Variants in HELZ observed in about 807,000 individuals in gnomAD.
The protein encoded by HELZ is ATP-dependent RNA helicase with zinc finger domain.
A neutral mutation model predicts 218.2 loss-of-function variants in HELZ; 23 were observed. The observed-to-expected ratio is 0.11, with a 90% CI of 0.08 to 0.15. HELZ has a LOEUF of 0.15. HELZ is among the 10% of genes least tolerant of loss of function. HELZ has a pLI of 1.00. For synonymous variants in HELZ, 814 were observed against 829.4 expected (o/e 0.98, Z 0.32); for missense variants, 1,813 against 2,353.7 (o/e 0.77, Z 4.75).
rs539813164 is a variant in HELZ at position 67,074,789 on chromosome 17, G to A, written c.*3463C>T. On this transcript the variant is annotated 3_prime_UTR_variant, in exon 33 of 33. Coordinates refer to ENST00000358691, the MANE Select transcript of HELZ (RefSeq NM_014877.4). ...GAATTCTGCTTATTTTACTTATTCT[G>A]CAGTTCTCTGAACTGAAAAGACCAG... 1.7e-4 allele frequency: 26 copies of A among 151,736 alleles called. No individual in the cohort carries two copies. Among genetic ancestry groups the A allele is most frequent in the African/African-American group, 4.1e-4 (17 of 41,350 alleles). The allele number at this position is 151,736 out of a possible 1,614,324, so 9.4% of individuals were successfully genotyped here.
At chr17:67,099,200 G>T (rs980696047) in intron 31 of HELZ, among the ~76,000 whole-genome samples, 11 of 150,196 alleles carry the variant, frequency 7.3e-5, no homozygotes, top group Non-Finnish European at 1.2e-4. Flanking sequence ...TATTGCTTTC[G>T]CCCAGTTCTG....
In HELZ at chr17:67,115,374, A is replaced by T. The variant is rs193103644; in HGVS notation, c.3839-971T>A. Among the ~76,000 whole-genome samples the T allele has an allele frequency of 4.4e-3, 668 of 152,228 alleles. 5 individuals are homozygous for T. The highest frequency in any genetic ancestry group is 0.031 in the Middle Eastern group (9 of 294). ...ATCTCTGAAGAACAGTGGTAGGGGC[A>T]ACACAGAAAAAAATATCTGAAAAGA... is the stretch of plus-strand genomic sequence containing the variant. On this transcript the variant is annotated intron_variant, in intron 27 of 32. Coordinates refer to ENST00000358691, the MANE Select transcript of HELZ (RefSeq NM_014877.4).
At chr17:67,141,999 G>A (rs1379881208) in intron 21 of HELZ, among the ~76,000 whole-genome samples, 1 of 151,552 alleles carries the variant, frequency 6.6e-6, no homozygotes, top group Admixed American at 6.6e-5. Context: ...AGCCAAGAAC[G>A]TACCACTGCA....
rs183150064 is a variant in HELZ, at chr17:67,186,007, T to C, written c.1162+2312A>G. ...CCAGCTACCAGGCTCAAAACATCAA[T>C]CATCTTGGAAAACTACGCTTTCAAC... On this transcript the variant is annotated intron_variant, in intron 12 of 32. Transcript: ENST00000358691. 3.7e-3 allele frequency among the ~76,000 whole-genome samples: 570 copies of C among 152,244 alleles called. 5 individuals are homozygous for C. Among genetic ancestry groups the C allele is most frequent in the Middle Eastern group, 0.02 (6 of 294 alleles).
At chr17:67,141,071 A>C (rs536934518) in intron 21 of HELZ, among the ~76,000 whole-genome samples, 41 of 152,356 alleles carry the variant, frequency 2.7e-4, no homozygotes, top group African/African-American at 9.9e-4. Flanking sequence ...TATAAGAAAT[A>C]CTAAAGGAAG....
chr17:67,167,382 G>T, intron 14 of HELZ, 81 bp downstream of exon 14: 1 of 1,116,746 alleles, frequency 9.0e-7, no homozygotes, highest in Non-Finnish European at 1.3e-6. Flanking sequence ...TACGGCAGAA[G>T]AAAAACTAAA....
In HELZ at chr17:67,215,885, A is replaced by C. The variant is rs766421798; in HGVS notation, c.247+14T>G. On this transcript the variant is annotated intron_variant, in intron 5 of 32. Coordinates refer to ENST00000358691, the MANE Select transcript of HELZ (RefSeq NM_014877.4). ...TGTTCAATTCAATAATTCGAGTCTC[A>C]TTTTTAAACATACCATGTCTACAAT... 1 of 1,521,696 alleles carries C rather than the reference A, an allele frequency of 6.6e-7. No homozygotes were observed. The highest frequency in any genetic ancestry group is 1.1e-5 in the South Asian group (1 of 87,502). The allele number at this position is 1,521,696 out of a possible 1,614,324, so 94.3% of individuals were successfully genotyped here.
intron 3 of HELZ, among the ~76,000 whole-genome samples, chr17:67,223,695 T>C (rs1374661567): frequency 1.3e-5 from 2 of 151,952 alleles, no homozygotes; most frequent in African/African-American, 4.8e-5. Flanking sequence ...AAGGTTGCAG[T>C]GAGCTGAGAT....
Position 67,145,861 on chromosome 17 carries a change from T to C in HELZ, c.2651A>G (p.Lys884Arg). ...TGGCTGCTTCCCACTGGCCATCAGT[T>C]TGCCCTCATAGAAAAGCTCAGAGGT... is the stretch of plus-strand genomic sequence containing the variant. Reference protein sequence around the residue: ...NYTSELFYEGKLMASGKQPAH... With the variant: ...NYTSELFYEGRLMASGKQPAH... The change falls in exon 21 of 33, where the codon AAA (lysine) becomes AGA (arginine). Residue 884 changes from lysine to arginine, a missense_variant. Lys to Arg is a conservative substitution (Grantham distance 26, BLOSUM62 2). Coordinates refer to ENST00000358691, the MANE Select transcript of HELZ (RefSeq NM_014877.4). 6.2e-7 allele frequency: 1 copy of C among 1,613,690 alleles called. No individual in the cohort carries two copies. Among genetic ancestry groups the C allele is most frequent in the East Asian group, 2.2e-5 (1 of 44,832 alleles).
intron 3 of HELZ, chr17:67,224,708 C>A: frequency 1.2e-6 from 1 of 834,634 alleles, no homozygotes; most frequent in Non-Finnish European, 2.0e-6. Context: ...GGTTTCCATG[C>A]CCATAGTGCT....
chr17:67,124,264 C>T (rs369282527), intron 24 of HELZ, among the ~76,000 whole-genome samples: 2 of 152,044 alleles, frequency 1.3e-5, no homozygotes, highest in East Asian at 3.8e-4. Context: ...ATCTAAAATT[C>T]CTTTTTTATG....
intron 5 of HELZ, among the ~76,000 whole-genome samples, chr17:67,212,314 C>CAAAAAAAAAAAAACAAAA (rs2040476183): frequency 4.7e-5 from 1 of 21,396 alleles, no homozygotes; most frequent in Non-Finnish European, 8.1e-5. Context: ...GACACCATCT[C>CAAAAAAAAAAAAACAAAA]AAAAAAAAAA....
chr17:67,110,453 T>C (rs1488495534), intron 28 of HELZ, among the ~76,000 whole-genome samples: 1 of 152,228 alleles, frequency 6.6e-6, no homozygotes, highest in Non-Finnish European at 1.5e-5. Context: ...TAAACAACTT[T>C]GAAATGAACA....
At chr17:67,183,823 T>C (rs1478397170) in intron 12 of HELZ, among the ~76,000 whole-genome samples, 2 of 151,996 alleles carry the variant, frequency 1.3e-5, no homozygotes, top group African/African-American at 4.8e-5. Flanking sequence ...TAGTATATAG[T>C]GTCTTTTTCT....
upstream of HELZ, chr17:67,245,513 A>AACCCGAGGTTTCCTTGCC: frequency 1.0e-6 from 1 of 985,280 alleles, no homozygotes; most frequent in Non-Finnish European, 1.2e-6. Context: ...GCATTGAATC[A>AACCCGAGGTTTCCTTGCC]ACCCGAGGTT....
At position 67,099,371 on chromosome 17, in the gene HELZ, T is replaced by C. The variant is rs555085751; in HGVS notation, c.5241+7798A>G. Among the ~76,000 whole-genome samples, 21 of 130,644 alleles carry C rather than the reference T, an allele frequency of 1.6e-4. No homozygotes were observed. In the South Asian group the frequency reaches 5.6e-3, roughly 35 times the overall value. The allele number at this position is 130,644 out of a possible 152,430, so 85.7% of individuals were successfully genotyped here. A position where few individuals can be genotyped will look rare whatever the true frequency, so the allele number is the denominator to read the frequency against. On this transcript the variant is annotated intron_variant, in intron 31 of 32. Coordinates refer to ENST00000358691, the MANE Select transcript of HELZ (RefSeq NM_014877.4). ...ATGTTGTTTAAAGGCTCATTTACCC[T>C]GCCAGAGAGATTCTTAAAGAGATTC...
intron 31 of HELZ, among the ~76,000 whole-genome samples, chr17:67,101,083 C>T (rs1248501279): frequency 7.0e-6 from 1 of 143,156 alleles, no homozygotes; most frequent in Non-Finnish European, 1.5e-5. Flanking sequence ...GCACTGCAGC[C>T]TGGGTGACAG....
intron 32 of HELZ, among the ~76,000 whole-genome samples, chr17:67,086,622 AT>A (rs1254793401): frequency 1.8e-3 from 86 of 46,928 alleles, no homozygotes; most frequent in African/African-American, 7.8e-3. Flanking sequence ...ATAAATAAAT[AT>A]AAATATAAAT....
chr17:67,157,088 G>A (rs556267177), intron 17 of HELZ, among the ~76,000 whole-genome samples: 1 of 152,162 alleles, frequency 6.6e-6, no homozygotes, highest in South Asian at 2.1e-4. Context: ...CTCCCCCTTC[G>A]CCTTCCACCA....
Sources: allele counts gnomAD v4.1 joint callset (sites outside exome capture counted in the v4.1 genomes callset), GRCh38; gene constraint gnomAD v4.1.1; transcripts MANE v1.5; gene names NCBI Gene and HGNC (gene_info 2026-07-23, HGNC 2026-07-21).